Variants in GAS7 observed in about 807,000 individuals in gnomAD.
GAS7 encodes growth arrest-specific protein 7.
In GAS7, 28 loss-of-function variants were observed where a neutral mutation model predicts 71.1. The ratio of observed to expected loss-of-function variants is 0.39; its 90% CI spans 0.29 to 0.54. GAS7 has a LOEUF of 0.54. Ranked by LOEUF, GAS7 falls within the 20% of genes least tolerant of loss-of-function variation. The pLI is 0.62. For missense variants in GAS7, 436 were observed against 627.8 expected (o/e 0.69, Z 3.27); for synonymous variants, 258 against 245.8 (o/e 1.05, Z -0.46).
At chr17:9,936,512 T>C (rs2068407177) in intron 8 of GAS7, among the ~76,000 whole-genome samples, 1 of 152,098 alleles carries the variant, frequency 6.6e-6, no homozygotes, top group Non-Finnish European at 1.5e-5. Flanking sequence ...CAGCTCTACC[T>C]CCAGGCCAGA....
intron 2 of GAS7, among the ~76,000 whole-genome samples, chr17:9,984,796 A>G (rs1045548151): frequency 6.6e-6 from 1 of 152,230 alleles, no homozygotes; most frequent in Non-Finnish European, 1.5e-5. Context: ...GTGCTTTCTC[A>G]GCACTAAATA....
chr17:10,023,631 G>C (rs72807392), intron 1 of GAS7, among the ~76,000 whole-genome samples: 18,252 of 152,278 alleles, frequency 0.12, 1,288 homozygotes, highest in Non-Finnish European at 0.16. Context: ...GAAATGCCCA[G>C]AATGGGCAGA....
At chr17:9,994,248 G>A (rs1306742723) in intron 2 of GAS7, among the ~76,000 whole-genome samples, 2 of 150,350 alleles carry the variant, frequency 1.3e-5, no homozygotes, top group Non-Finnish European at 3.0e-5. Flanking sequence ...AAAGAACAAA[G>A]CTGGAGGCAT....
At chr17:10,109,419 A>G (rs1283558988) in intron 1 of GAS7, among the ~76,000 whole-genome samples, 1 of 152,238 alleles carries the variant, frequency 6.6e-6, no homozygotes, top group African/African-American at 2.4e-5. Flanking sequence ...AAGATAAAAA[A>G]TATCATTAAA....
At chr17:10,068,143 G>A (rs2073301980) in intron 1 of GAS7, among the ~76,000 whole-genome samples, 2 of 152,158 alleles carry the variant, frequency 1.3e-5, no homozygotes, top group African/African-American at 2.4e-5. Context: ...TGCTTTGTAC[G>A]AAGCACAGTG....
intron 5 of GAS7, among the ~76,000 whole-genome samples, chr17:9,956,807 C>T (rs2069257868): frequency 6.6e-6 from 1 of 152,186 alleles, no homozygotes; most frequent in South Asian, 2.1e-4. Flanking sequence ...TCACCTCATC[C>T]CTACACACCA....
intron 1 of GAS7, among the ~76,000 whole-genome samples, chr17:10,115,192 G>A (rs190889374): frequency 1.3e-5 from 2 of 152,360 alleles, no homozygotes; most frequent in Admixed American, 1.3e-4. Context: ...TTATGGGATG[G>A]AGGAAAACAG....
At chr17:10,007,902 T>C (rs9904204) in intron 2 of GAS7, among the ~76,000 whole-genome samples, 4,490 of 97,984 alleles carry the variant, frequency 0.046, 113 homozygotes, top group African/African-American at 0.15. Context: ...TAATTCCAGC[T>C]CCCCCCCGCA....
chr17:9,997,082 G>GT (rs1312466453), intron 2 of GAS7, among the ~76,000 whole-genome samples: 10 of 152,156 alleles, frequency 6.6e-5, no homozygotes, highest in African/African-American at 2.4e-4. Flanking sequence ...CTAGTTTAGC[G>GT]TATGGTAAAG....
chr17:10,049,403 G>A (rs888181083), intron 1 of GAS7, among the ~76,000 whole-genome samples: 1 of 151,996 alleles, frequency 6.6e-6, no homozygotes, highest in South Asian at 2.1e-4. Context: ...AAAGTATGCA[G>A]TATGATCTCA....
At chr17:10,019,246 G>A (rs1048128634) in intron 2 of GAS7, among the ~76,000 whole-genome samples, 1 of 151,996 alleles carries the variant, frequency 6.6e-6, no homozygotes, top group Non-Finnish European at 1.5e-5. Context: ...AAGCACCCCC[G>A]GCATTTCCCA....
At chr17:9,920,808 G>A (rs181752817) in intron 11 of GAS7, among the ~76,000 whole-genome samples, 3 of 152,354 alleles carry the variant, frequency 2.0e-5, no homozygotes, top group East Asian at 3.8e-4. Flanking sequence ...ACCCCAAAGT[G>A]AAGTAATTTT....
intron 2 of GAS7, among the ~76,000 whole-genome samples, chr17:10,014,104 A>G (rs565536525): frequency 1.8e-4 from 27 of 152,252 alleles, no homozygotes; most frequent in African/African-American, 6.5e-4. Context: ...ACCCCAGGGA[A>G]CCACACACTC....
In GAS7 at chr17:10,181,323, G is replaced by A. The variant is rs1315184677; in HGVS notation, c.183+16885C>T. On this transcript the variant is annotated intron_variant, in intron 1 of 13. Coordinates refer to ENST00000432992, the MANE Select transcript of GAS7 (RefSeq NM_201433.2). Reference sequence around the variant, plus strand: ...TGCAGTGAGCTGAGATTGAGCCACTGCACTCCAGCCTGGGTGACAGAGCAA... The same window carrying A: ...TGCAGTGAGCTGAGATTGAGCCACTACACTCCAGCCTGGGTGACAGAGCAA... Among the ~76,000 whole-genome samples the A allele has an allele frequency of 2.0e-5, 3 of 150,574 alleles. No individual in the cohort carries two copies. The South Asian group carries it at 6.3e-4, about 32-fold the overall frequency.
At chr17:10,108,886 G>C (rs2073784395) in intron 1 of GAS7, among the ~76,000 whole-genome samples, 1 of 152,010 alleles carries the variant, frequency 6.6e-6, no homozygotes, top group Non-Finnish European at 1.5e-5. Flanking sequence ...CTACTAGAAA[G>C]AACACTTCAG....
intron 1 of GAS7, among the ~76,000 whole-genome samples, chr17:10,143,286 A>T (rs35220920): frequency 6.6e-6 from 1 of 151,640 alleles, no homozygotes; most frequent in Non-Finnish European, 1.5e-5. Context: ...CACACCTGCA[A>T]TCCCAGCACT....
chr17:10,037,663 T>C (rs1292805200), intron 1 of GAS7, among the ~76,000 whole-genome samples: 1 of 151,086 alleles, frequency 6.6e-6, no homozygotes, highest in Non-Finnish European at 1.5e-5. Flanking sequence ...CGGCTCCAGC[T>C]TCAATTTCTC....
intron 6 of GAS7, 70 bp from the exon 7 acceptor site, chr17:9,943,306 G>T: frequency 1.1e-6 from 1 of 908,550 alleles, no homozygotes; most frequent in Non-Finnish European, 1.8e-6. Context: ...ATGGCGTAGA[G>T]GGAGGACGGC....
chr17:10,084,104 T>C (rs186296685), intron 1 of GAS7, among the ~76,000 whole-genome samples: 2 of 152,186 alleles, frequency 1.3e-5, no homozygotes, highest in Admixed American at 1.3e-4. Context: ...GGTGGTGGAA[T>C]TTGCAGTGAG....
Sources: gnomAD v4.1 joint callset for allele counts (sites outside exome capture counted in the v4.1 genomes callset) on GRCh38, gnomAD v4.1.1 for gene constraint, MANE v1.5 for transcripts, NCBI Gene and HGNC (gene_info 2026-07-23, HGNC 2026-07-21) for gene names.